ROBO2: variants seen among roughly 807,000 people sequenced by gnomAD.
ROBO2 encodes the protein roundabout homolog 2.
ROBO2 carries 53 observed loss-of-function variants against 160.8 expected under a neutral mutation model. The observed-to-expected ratio is 0.33, with a 90% CI of 0.26 to 0.41. ROBO2 has a LOEUF of 0.41. ROBO2 is among the 10% of genes least tolerant of loss of function. ROBO2 has a pLI of 1.00. For synonymous variants in ROBO2, 664 were observed against 611.7 expected, an observed-to-expected ratio of 1.09 and a Z score of -1.26; for missense variants, 1,577 against 1,722.4, an observed-to-expected ratio of 0.92 and a Z score of 1.49.
At chr3:76,288,460 G>A (rs1708637383) in intron 2 of ROBO2, among the ~76,000 whole-genome samples, 1 of 151,506 alleles carries the variant, frequency 6.6e-6, no homozygotes, top group African/African-American at 2.4e-5. Flanking sequence ...ATTAACAAAG[G>A]TTGGTGTTGA....
chr3:76,925,600 G>T (rs1433951545), intron 2 of ROBO2, among the ~76,000 whole-genome samples: 1 of 152,094 alleles, frequency 6.6e-6, no homozygotes, highest in Admixed American at 6.6e-5. Flanking sequence ...GTAGAATATT[G>T]TTTTGATATT....
At chr3:76,319,236 A>G (rs112934075) in intron 2 of ROBO2, among the ~76,000 whole-genome samples, 1,779 of 152,210 alleles carry the variant, frequency 0.012, 36 homozygotes, top group African/African-American at 0.041. Context: ...AAATAAAATC[A>G]AAGTTCCAAA....
exon 26 of ROBO2, chr3:77,647,708 T>A (rs888121340): frequency 6.6e-6 from 1 of 152,140 alleles, no homozygotes; most frequent in African/African-American, 2.4e-5. Flanking sequence ...CAATCTTAAA[T>A]TTTATTTCTG....
intron 2 of ROBO2, among the ~76,000 whole-genome samples, chr3:77,021,649 A>T (rs1444719705): frequency 6.6e-6 from 1 of 152,180 alleles, no homozygotes; most frequent in Non-Finnish European, 1.5e-5. Flanking sequence ...TTAATGTTCA[A>T]ATTTAATTGC....
intron 2 of ROBO2, among the ~76,000 whole-genome samples, chr3:76,997,282 G>A (rs1023781140): frequency 2.6e-5 from 4 of 152,126 alleles, no homozygotes; most frequent in African/African-American, 7.2e-5. Flanking sequence ...TGATCTGATA[G>A]TAGATGGATA....
chr3:76,323,657 A>G (rs1055123788), intron 2 of ROBO2, among the ~76,000 whole-genome samples: 12 of 152,246 alleles, frequency 7.9e-5, no homozygotes, highest in African/African-American at 2.4e-4. Flanking sequence ...CAAACTTGGA[A>G]TTGAATGAGC....
At chr3:76,452,523 C>T (rs1215753611) in intron 2 of ROBO2, among the ~76,000 whole-genome samples, 2 of 152,122 alleles carry the variant, frequency 1.3e-5, no homozygotes, top group African/African-American at 4.8e-5. Context: ...TATACGGCTG[C>T]ATAGTATTCC....
At chr3:76,120,892 CA>C (rs2070725134) in intron 2 of ROBO2, among the ~76,000 whole-genome samples, 1 of 152,056 alleles carries the variant, frequency 6.6e-6, no homozygotes, top group African/African-American at 2.4e-5. Flanking sequence ...TACTTGCCTG[CA>C]ATATAAATAC....
At chr3:77,427,067 G>A (rs1560802268) in intron 2 of ROBO2, among the ~76,000 whole-genome samples, 1 of 152,136 alleles carries the variant, frequency 6.6e-6, no homozygotes, top group Non-Finnish European at 1.5e-5. Flanking sequence ...TACATGGAAG[G>A]TGTGCCAGAT....
intron 11 of ROBO2, chr3:77,564,384 T>C (rs947259056): frequency 1.1e-5 from 5 of 450,090 alleles, no homozygotes; most frequent in Admixed American, 9.7e-5. Flanking sequence ...CTGTATAATG[T>C]ACAATTTTAT....
intron 2 of ROBO2, among the ~76,000 whole-genome samples, chr3:77,207,994 C>T (rs927762333): frequency 6.6e-6 from 1 of 152,128 alleles, no homozygotes; most frequent in African/African-American, 2.4e-5. Flanking sequence ...CGTGAGTATC[C>T]GAGGGCAGGA....
chr3:76,014,689 A>G (rs1309644968), intron 2 of ROBO2, among the ~76,000 whole-genome samples: 1 of 152,194 alleles, frequency 6.6e-6, no homozygotes, highest in Non-Finnish European at 1.5e-5. Flanking sequence ...GCACTTTGGG[A>G]GGCCCAGGTG....
At chr3:77,621,297 A>G (rs1523766) in intron 22 of ROBO2, among the ~76,000 whole-genome samples, 73,093 of 151,854 alleles carry the variant, frequency 0.48, 17,852 homozygotes, top group Middle Eastern at 0.62. Context: ...ATGGTGAAGC[A>G]CACCTGTAAT....
intron 2 of ROBO2, among the ~76,000 whole-genome samples, chr3:76,633,669 G>T (rs13092435): frequency 0.21 from 32,417 of 152,132 alleles, 3,654 homozygotes; most frequent in Middle Eastern, 0.28. Flanking sequence ...GGAATGTAGG[G>T]AAATAGTCTA....
intron 2 of ROBO2, among the ~76,000 whole-genome samples, chr3:76,197,408 A>T (rs111823883): frequency 1.9e-4 from 28 of 149,234 alleles, no homozygotes; most frequent in African/African-American, 7.5e-5. Flanking sequence ...CAATCTCTCT[A>T]TAGATTTGGA....
intron 2 of ROBO2, among the ~76,000 whole-genome samples, chr3:76,509,602 A>G (rs993102934): frequency 2.6e-5 from 4 of 152,252 alleles, no homozygotes; most frequent in African/African-American, 9.6e-5. Flanking sequence ...GTGGAACAAG[A>G]GACATTCGGC....
At chr3:76,801,698 T>C (rs911965690) in intron 2 of ROBO2, among the ~76,000 whole-genome samples, 1 of 152,102 alleles carries the variant, frequency 6.6e-6, no homozygotes, top group African/African-American at 2.4e-5. Context: ...TTCACTGGAG[T>C]AGCACTTTTA....
intron 2 of ROBO2, among the ~76,000 whole-genome samples, chr3:77,308,853 A>G (rs2063312509): frequency 6.6e-6 from 1 of 152,220 alleles, no homozygotes; most frequent in Non-Finnish European, 1.5e-5. Context: ...AACTGACTAT[A>G]TAGATACATG....
intron 2 of ROBO2, among the ~76,000 whole-genome samples, chr3:76,493,849 T>C (rs1237046224): frequency 6.6e-6 from 1 of 152,214 alleles, no homozygotes; most frequent in Non-Finnish European, 1.5e-5. Context: ...AGTAATTTTT[T>C]ATTCCTTTTA....
Sources: gnomAD v4.1 joint callset for allele counts (sites outside exome capture counted in the v4.1 genomes callset) on GRCh38, gnomAD v4.1.1 for gene constraint, MANE v1.5 for transcripts, NCBI Gene and HGNC (gene_info 2026-07-23, HGNC 2026-07-21) for gene names.